Variants in MAGI2 observed in about 807,000 individuals in gnomAD.
The protein encoded by MAGI2 is membrane associated guanylate kinase, WW and PDZ domain containing 2, also known as membrane-associated guanylate kinase, WW and PDZ domain-containing protein 2.
Under a neutral mutation model 133.3 loss-of-function variants are expected in MAGI2, and 35 were observed. The ratio of observed to expected loss-of-function variants is 0.26; its 90% CI spans 0.20 to 0.35. The LOEUF (loss-of-function observed/expected upper bound fraction) is 0.35. Ranked by LOEUF, MAGI2 falls within the 10% of genes least tolerant of loss-of-function variation. MAGI2 has a pLI of 1.00. For missense variants in MAGI2, 1,636 were observed against 1,863.4 expected (o/e 0.88, Z 2.25); for synonymous variants, 729 against 710.6 (o/e 1.03, Z -0.41).
At chr7:79,450,534 T>C (rs916936237) in intron 1 of MAGI2, among the ~76,000 whole-genome samples, 3 of 152,186 alleles carry the variant, frequency 2.0e-5, no homozygotes, top group Non-Finnish European at 4.4e-5. Context: ...CTGTGGGCTC[T>C]CTGGCTATCA....
At chr7:78,035,647 T>TATCA (rs1310023386) in intron 21 of MAGI2, among the ~76,000 whole-genome samples, 5 of 152,182 alleles carry the variant, frequency 3.3e-5, no homozygotes, top group African/African-American at 1.2e-4. Context: ...AGCATCATCC[T>TATCA]ATCAGGCCAT....
At chr7:78,531,484 T>A (rs1797467724) in intron 3 of MAGI2, among the ~76,000 whole-genome samples, 2 of 152,140 alleles carry the variant, frequency 1.3e-5, no homozygotes, top group Admixed American at 1.3e-4. Flanking sequence ...AGTACTGGGA[T>A]TACAGGCATG....
At chr7:78,722,462 C>T (rs776492075) in intron 2 of MAGI2, among the ~76,000 whole-genome samples, 1 of 151,984 alleles carries the variant, frequency 6.6e-6, no homozygotes, top group Non-Finnish European at 1.5e-5. Flanking sequence ...TTCATAGTCA[C>T]CTTTCCATAT....
chr7:78,823,510 G>T (rs1282638778), intron 2 of MAGI2, among the ~76,000 whole-genome samples: 70 of 150,084 alleles, frequency 4.7e-4, no homozygotes, highest in African/African-American at 1.7e-3. Flanking sequence ...GTGAACCCGG[G>T]AGGCGGAGCT....
At chr7:79,128,996 G>C (rs191755769) in intron 1 of MAGI2, among the ~76,000 whole-genome samples, 1 of 152,002 alleles carries the variant, frequency 6.6e-6, no homozygotes, top group Non-Finnish European at 1.5e-5. Context: ...TCAGCCTCCC[G>C]AGTAGCTGGG....
chr7:78,628,695 G>C (rs1043396968), intron 2 of MAGI2, among the ~76,000 whole-genome samples: 2 of 149,974 alleles, frequency 1.3e-5, no homozygotes, highest in Non-Finnish European at 3.0e-5. Context: ...CCCTGAATTG[G>C]TTATTTTGTT....
At chr7:78,070,106 T>TACACAC (rs67410981) in intron 21 of MAGI2, among the ~76,000 whole-genome samples, 2 of 79,666 alleles carry the variant, frequency 2.5e-5, no homozygotes, top group Admixed American at 2.9e-4. Context: ...CACACACACA[T>TACACAC]ACACACACAC....
intron 2 of MAGI2, among the ~76,000 whole-genome samples, chr7:79,006,020 T>C (rs1007394714): frequency 6.6e-6 from 1 of 152,158 alleles, no homozygotes; most frequent in Non-Finnish European, 1.5e-5. Flanking sequence ...ATGGCAAAAG[T>C]CCACCTCTCC....
At chr7:78,386,812 C>T (rs10485881) in intron 6 of MAGI2, among the ~76,000 whole-genome samples, 552 of 152,230 alleles carry the variant, frequency 3.6e-3, no homozygotes, top group South Asian at 0.012. Flanking sequence ...GGTAGCCAAA[C>T]GGAGAGCTTT....
At chr7:78,152,132 C>A (rs3779292) in intron 16 of MAGI2, among the ~76,000 whole-genome samples, 12,611 of 152,110 alleles carry the variant, frequency 0.083, 763 homozygotes, top group East Asian at 0.3. Flanking sequence ...AAGCAATAGG[C>A]GATGTTTACT....
intron 1 of MAGI2, among the ~76,000 whole-genome samples, chr7:79,195,052 C>T (rs976334176): frequency 4.6e-5 from 7 of 151,862 alleles, no homozygotes; most frequent in Non-Finnish European, 7.4e-5. Flanking sequence ...ATGACTTTTT[C>T]GATACTTTCT....
intron 3 of MAGI2, among the ~76,000 whole-genome samples, chr7:78,624,582 T>C (rs960915920): frequency 6.6e-6 from 1 of 151,820 alleles, no homozygotes; most frequent in Non-Finnish European, 1.5e-5. Context: ...CACTTAGAAG[T>C]GGGAGTTGGT....
chr7:79,250,976 G>A (rs182180689), intron 1 of MAGI2, among the ~76,000 whole-genome samples: 40 of 152,266 alleles, frequency 2.6e-4, no homozygotes, highest in African/African-American at 8.4e-4. Flanking sequence ...TGCCAAGAAA[G>A]TACATTGGGA....
At chr7:79,157,669 G>A (rs1271538321) in intron 1 of MAGI2, among the ~76,000 whole-genome samples, 3 of 151,932 alleles carry the variant, frequency 2.0e-5, no homozygotes, top group African/African-American at 7.2e-5. Flanking sequence ...CCTTGCCAGA[G>A]TTTGTATAAA....
chr7:79,043,160 G>A (rs761624721), intron 1 of MAGI2, among the ~76,000 whole-genome samples: 10 of 151,618 alleles, frequency 6.6e-5, no homozygotes, highest in East Asian at 1.9e-4. Context: ...GCCTAACATC[G>A]CATCTAGAGG....
rs774492460 is a variant in MAGI2, at chr7:78,256,400, C to T, written c.1590G>A (p.Met530Ile). The T allele has an allele frequency of 4.0e-5, 65 of 1,613,818 alleles. No homozygotes were observed. Among genetic ancestry groups the T allele is most frequent in the Non-Finnish European group, 5.4e-5 (64 of 1,179,978 alleles). The part of the protein sequence containing the change: ...ANSMVPPLAI[M>I]ERPPPVMVNG... ...TGACCATCACTGGAGGTGGCCTCTC[C>T]ATTATTGCAAGGGGTGGCACCATGC... is the stretch of plus-strand genomic sequence containing the variant. Residue 530 changes from methionine to isoleucine, a missense_variant, in exon 10 of 22, where the codon ATG becomes ATA. Coordinates refer to ENST00000354212, the MANE Select transcript of MAGI2 (RefSeq NM_012301.4).
At chr7:78,578,723 G>GA (rs774244944) in intron 3 of MAGI2, among the ~76,000 whole-genome samples, 1 of 152,146 alleles carries the variant, frequency 6.6e-6, no homozygotes, top group Non-Finnish European at 1.5e-5. Flanking sequence ...CTGTGGATGT[G>GA]AGTGTGTTAA....
At chr7:78,684,264 T>A (rs1816022994) in intron 2 of MAGI2, among the ~76,000 whole-genome samples, 1 of 152,194 alleles carries the variant, frequency 6.6e-6, no homozygotes, top group East Asian at 1.9e-4. Context: ...CATTAATTAC[T>A]ATAAGCCTTC....
intron 1 of MAGI2, among the ~76,000 whole-genome samples, chr7:79,420,061 C>T (rs114698147): frequency 1.3e-5 from 2 of 152,028 alleles, no homozygotes; most frequent in Non-Finnish European, 2.9e-5. Context: ...GCTTTGATTT[C>T]TTTGCTGAGG....
Sources: allele counts gnomAD v4.1 joint callset (sites outside exome capture counted in the v4.1 genomes callset), GRCh38; gene constraint gnomAD v4.1.1; transcripts MANE v1.5; gene names NCBI Gene and HGNC (gene_info 2026-07-23, HGNC 2026-07-21).